The following DNAH6 variants were observed in gnomAD, a reference collection of about 807,000 sequenced individuals.
DNAH6 encodes dynein axonemal heavy chain 6, also known as axonemal beta dynein heavy chain 6.
A neutral mutation model predicts 491.4 loss-of-function variants in DNAH6; 340 were observed. That is an observed-to-expected ratio of 0.69 (90% CI 0.63 to 0.76). The LOEUF (loss-of-function observed/expected upper bound fraction) is 0.76. Ranked by LOEUF, DNAH6 falls within the 30% of genes least tolerant of loss-of-function variation. DNAH6 has a pLI of 0.00. For missense variants in DNAH6, 4,443 were observed against 4,972.2 expected, an observed-to-expected ratio of 0.89 and a Z score of 3.20; for synonymous variants, 1,603 against 1,686.1, an observed-to-expected ratio of 0.95 and a Z score of 1.21.
intron 69 of DNAH6, among the ~76,000 whole-genome samples, chr2:84,797,155 T>C (rs1678434290): frequency 6.6e-6 from 1 of 152,232 alleles, no homozygotes; most frequent in East Asian, 1.9e-4. Context: ...AGGGCTGTTG[T>C]TGTTTATCAA....
chr2:84,606,920 T>C, intron 20 of DNAH6, 56 bp from the exon 21 acceptor site: 2 of 1,519,574 alleles, frequency 1.3e-6, no homozygotes, highest in South Asian at 2.5e-5. Flanking sequence ...ATCTGAAATA[T>C]TACTGAAAGC....
the DNAH6 span, among the ~76,000 whole-genome samples, chr2:84,466,753 C>T: frequency 1.3e-5 from 2 of 152,250 alleles, no homozygotes; most frequent in South Asian, 4.1e-4. Flanking sequence ...TGATTATAAA[C>T]CAACTTCTAA....
At chr2:84,709,744 T>C (rs559261443) in intron 55 of DNAH6, among the ~76,000 whole-genome samples, 198 bp downstream of exon 55, 2 of 152,206 alleles carry the variant, frequency 1.3e-5, no homozygotes, top group South Asian at 4.1e-4. Context: ...AAAGGAAGAA[T>C]TGAAGTGCTC....
chr2:84,810,032 C>A (rs1689126399), intron 72 of DNAH6, among the ~76,000 whole-genome samples: 1 of 152,106 alleles, frequency 6.6e-6, no homozygotes, highest in South Asian at 2.1e-4. Flanking sequence ...CAGCTTATGT[C>A]TTGCCCTTTC....
chr2:84,592,921 G>C (rs1316159799), intron 16 of DNAH6, among the ~76,000 whole-genome samples: 1 of 152,130 alleles, frequency 6.6e-6, no homozygotes, highest in East Asian at 1.9e-4. Flanking sequence ...GGTTTCCAGA[G>C]GCTGGGAGGA....
chr2:84,538,366 A>G (rs1410087406), intron 4 of DNAH6, among the ~76,000 whole-genome samples: 1 of 152,176 alleles, frequency 6.6e-6, no homozygotes, highest in Non-Finnish European at 1.5e-5. Context: ...GATTTGCAGT[A>G]GGAAATTCAG....
Position 84,727,746 on chromosome 2 carries a change from T to C in DNAH6, c.10050T>C (p.Thr3350=). The C allele has an allele frequency of 6.4e-7, 1 of 1,551,514 alleles. No individual in the cohort carries two copies. The highest frequency in any genetic ancestry group is 1.2e-5 in the South Asian group (1 of 84,054). The stretch of plus-strand genomic sequence containing the variant: ...GCCTGGACGTACTACTAGAACAAAC[T>C]CTCCTAACTGCTTATGTCAATGTTT... ...QQRLDVLLEQ[T]LLTAYVNVSR... is the part of the protein sequence containing the mutation. Residue 3350 remains threonine (T), a synonymous_variant, in exon 61 of 77, where the codon ACT becomes ACC. Coordinates refer to ENST00000389394, the MANE Select transcript of DNAH6 (RefSeq NM_001370.2).
At position 84,685,413 on chromosome 2, in the gene DNAH6, A is replaced by T. The variant is rs2104751790; in HGVS notation, c.7004A>T (p.Asp2335Val). The T allele has an allele frequency of 1.3e-6, 2 of 1,525,580 alleles. No homozygotes were observed. Among genetic ancestry groups the T allele is most frequent in the Non-Finnish European group, 1.8e-6 (2 of 1,130,938 alleles). 94.5% of individuals were successfully genotyped at this position (1,525,580 alleles called of 1,614,324 possible). A position where few individuals can be genotyped will look rare whatever the true frequency, so the allele number is the denominator to read the frequency against. ...FCHECQRVFH[D>V]RLINNEDKHY... is the part of the protein sequence containing the mutation. ...CATGAGTGCCAAAGGGTCTTCCATG[A>T]TCGCTTGATTAATAATGAAGATAAG... The change falls in exon 43 of 77, where the codon GAT (aspartate) becomes GTT (valine). Residue 2335 changes from aspartate (D) to valine (V), a missense_variant. This residue lies in a region of DNAH6 where 2,977 missense variants were observed against 3,296.6 expected (regional missense o/e 0.90). Coordinates refer to ENST00000389394, the MANE Select transcript of DNAH6 (RefSeq NM_001370.2).
At position 84,707,110 on chromosome 2, in the gene DNAH6, C is replaced by T. The variant is rs1053338262; in HGVS notation, c.8851+91C>T. The T allele has an allele frequency of 2.9e-6, 4 of 1,364,296 alleles. No homozygotes were observed. In the African/African-American group the frequency reaches 6.0e-5, roughly 20 times the overall value. The allele number at this position is 1,364,296 out of a possible 1,614,324, so 84.5% of individuals were successfully genotyped here. The stretch of plus-strand genomic sequence containing the variant: ...TTGGCAATCAGGTTTCAGCTTTTAT[C>T]CAATGTGTAGAATGTATTTTCATTA... On this transcript the variant is annotated intron_variant, in intron 53 of 76. Coordinates refer to ENST00000389394, the MANE Select transcript of DNAH6 (RefSeq NM_001370.2).
intron 59 of DNAH6, among the ~76,000 whole-genome samples, chr2:84,720,629 A>C (rs1051638590): frequency 3.9e-5 from 6 of 152,012 alleles, no homozygotes; most frequent in East Asian, 1.9e-4. Context: ...TATTTTTATA[A>C]ATCGGGTGAG....
At position 84,705,794 on chromosome 2, in the gene DNAH6, C is replaced by T. The variant is rs867717790; in HGVS notation, c.8727+47C>T. The T allele has an allele frequency of 2.0e-5, 30 of 1,504,206 alleles. 2 individuals are homozygous for T. The Middle Eastern group carries it at 4.5e-3, about 227-fold the overall frequency. The allele number at this position is 1,504,206 out of a possible 1,614,324, so 93.2% of individuals were successfully genotyped here. ...ATTTTATAGAATTGAAGGCCATGAT[C>T]GCCAGTCATTTCAAGTTCTCTGTAT... On this transcript the variant is annotated intron_variant, in intron 52 of 76. Coordinates refer to ENST00000389394, the MANE Select transcript of DNAH6 (RefSeq NM_001370.2).
rs143302318 is a variant in DNAH6 at position 84,698,412 on chromosome 2, T to A, written c.7677+685T>A. Among the ~76,000 whole-genome samples, 323 of 152,314 alleles carry A rather than the reference T, an allele frequency of 2.1e-3. 3 individuals carry two copies. The highest frequency in any genetic ancestry group is 7.5e-3 in the African/African-American group (312 of 41,566). ...TCATTGGAAGGGCCAAAGAAAGAAA[T>A]TCCAGACTGAACTGATTGGAATGAA... On this transcript the variant is annotated intron_variant, in intron 47 of 76. Transcript: ENST00000389394.
chr2:84,684,904 A>C (rs1354679564), intron 42 of DNAH6, among the ~76,000 whole-genome samples: 3 of 152,194 alleles, frequency 2.0e-5, no homozygotes, highest in African/African-American at 7.2e-5. Context: ...GACATTGGGG[A>C]AGAAAGAGAG....
chr2:84,565,850 C>T (rs1000688975), intron 11 of DNAH6, among the ~76,000 whole-genome samples: 3 of 151,748 alleles, frequency 2.0e-5, no homozygotes, highest in African/African-American at 2.4e-5. Flanking sequence ...ATGTAATGTC[C>T]TTCTTTTTCC....
In DNAH6 at chr2:84,677,086, A is replaced by G. The variant is rs370582561; in HGVS notation, c.6694A>G (p.Met2232Val). ...TCCCCGCTTCATCAGACACTTCAGC[A>G]TGCTGTGCCTCCCAATGCCCTCAGA... ...VTPRFIRHFSMLCLPMPSEHS... is the reference protein window; with the variant it reads ...VTPRFIRHFSVLCLPMPSEHS... Residue 2232 changes from methionine (M) to valine (V), a missense_variant, in exon 41 of 77, where the codon ATG becomes GTG. Coordinates refer to ENST00000389394, the MANE Select transcript of DNAH6 (RefSeq NM_001370.2). 7.6e-5 allele frequency: 118 copies of G among 1,551,648 alleles called. 1 individual carries two copies. The highest frequency in any genetic ancestry group is 8.6e-5 in the Non-Finnish European group (99 of 1,146,990).
chr2:84,781,080 T>C (rs1248925669), intron 64 of DNAH6, among the ~76,000 whole-genome samples: 5 of 152,224 alleles, frequency 3.3e-5, no homozygotes, highest in Non-Finnish European at 7.3e-5. Flanking sequence ...AATATGTATT[T>C]TTCTGTATAT....
chr2:84,490,725 C>T, the DNAH6 span, among the ~76,000 whole-genome samples: 1 of 152,094 alleles, frequency 6.6e-6, no homozygotes, highest in Non-Finnish European at 1.5e-5. Context: ...CCACACTCGG[C>T]TAATTTTTAT....
At chr2:84,571,266 G>C (rs1482614129) in intron 11 of DNAH6, among the ~76,000 whole-genome samples, 1 of 152,158 alleles carries the variant, frequency 6.6e-6, no homozygotes, top group Non-Finnish European at 1.5e-5. Flanking sequence ...TCTCTGATGT[G>C]TACTAAAATG....
At chr2:84,605,461 A>G (rs1385769103) in intron 19 of DNAH6, 39 bp from the exon 20 acceptor site, 21 of 1,401,276 alleles carry the variant, frequency 1.5e-5, no homozygotes, top group Non-Finnish European at 2.1e-5. Flanking sequence ...ATCTAAACAC[A>G]CTGAATTTAG....
Sources: allele counts gnomAD v4.1 joint callset (sites outside exome capture counted in the v4.1 genomes callset), GRCh38; gene constraint gnomAD v4.1.1; regional missense constraint gnomAD v4.1.1; transcripts MANE v1.5; gene names NCBI Gene and HGNC (gene_info 2026-07-23, HGNC 2026-07-21).